Variants in AGAP1 observed in about 807,000 individuals in gnomAD.
The protein encoded by AGAP1 is arf-GAP with GTPase, ANK repeat and PH domain-containing protein 1.
A neutral mutation model predicts 105.3 loss-of-function variants in AGAP1; 29 were observed. That is an observed-to-expected ratio of 0.28 (90% CI 0.21 to 0.38). The LOEUF (loss-of-function observed/expected upper bound fraction) is 0.38. Among genes scored for constraint, AGAP1 ranks in the 10% least tolerant of loss-of-function variants. AGAP1 has a pLI of 1.00. For missense variants in AGAP1, 998 were observed against 1,165.1 expected (o/e 0.86, Z 2.09); for synonymous variants, 509 against 485.9 (o/e 1.05, Z -0.63).
chr2:235,903,775 A>G (rs993554720), intron 10 of AGAP1, among the ~76,000 whole-genome samples: 4 of 151,974 alleles, frequency 2.6e-5, no homozygotes, highest in African/African-American at 7.3e-5. Context: ...CGGTATTTTG[A>G]TGAGGACTTT....
intron 1 of AGAP1, among the ~76,000 whole-genome samples, chr2:235,558,798 C>A (rs969866799): frequency 6.6e-6 from 1 of 152,200 alleles, no homozygotes; most frequent in Non-Finnish European, 1.5e-5. Context: ...AAATTGATTT[C>A]TTGAGGAGCC....
intron 1 of AGAP1, among the ~76,000 whole-genome samples, chr2:235,626,909 C>T (rs748346337): frequency 2.6e-5 from 4 of 151,204 alleles, no homozygotes; most frequent in Middle Eastern, 3.4e-3. Flanking sequence ...GGCCCATGGC[C>T]TGATCTCTGT....
intron 1 of AGAP1, among the ~76,000 whole-genome samples, chr2:235,704,055 G>C (rs1259531983): frequency 6.6e-6 from 1 of 152,192 alleles, no homozygotes; most frequent in Non-Finnish European, 1.5e-5. Flanking sequence ...CATGGCTCCT[G>C]GCTCCCTGAC....
chr2:235,651,428 A>G (rs1947590242), intron 1 of AGAP1, among the ~76,000 whole-genome samples: 1 of 152,208 alleles, frequency 6.6e-6, no homozygotes, highest in African/African-American at 2.4e-5. Flanking sequence ...TTTGCAGTGA[A>G]TGTTGCAGAC....
Position 235,787,563 on chromosome 2 carries a change from T to C in AGAP1, c.674-10196T>C, listed in dbSNP as rs1956726618. ...TGGTTGGTTGACATTTTCTAGATGATGCAGCTGGCAGATTTGTCTGGATTT... is the reference window on the plus strand; with the variant it reads ...TGGTTGGTTGACATTTTCTAGATGACGCAGCTGGCAGATTTGTCTGGATTT... On this transcript the variant is annotated intron_variant, in intron 6 of 17. Coordinates refer to ENST00000304032, the MANE Select transcript of AGAP1 (RefSeq NM_001037131.3). The surrounding 1 kb of genome is among the most constrained non-coding windows in gnomAD (Gnocchi z 4.4). 6.6e-6 allele frequency among the ~76,000 whole-genome samples: 1 copy of C among 152,212 alleles called. No individual in the cohort carries two copies. The highest frequency in any genetic ancestry group is 1.5e-5 in the Non-Finnish European group (1 of 68,030).
At chr2:235,718,411 C>T (rs1177548272) in intron 3 of AGAP1, 3 of 985,262 alleles carry the variant, frequency 3.0e-6, no homozygotes, top group African/African-American at 1.7e-5. Flanking sequence ...TCATTTTCTT[C>T]ATGGCAGCGC....
chr2:235,847,899 A>G (rs902418084), intron 9 of AGAP1, among the ~76,000 whole-genome samples: 2 of 152,224 alleles, frequency 1.3e-5, no homozygotes. Flanking sequence ...GCGGCCTTGG[A>G]AGCCACTTCT....
intron 12 of AGAP1, among the ~76,000 whole-genome samples, chr2:235,941,851 G>C (rs1032903901): frequency 6.6e-6 from 1 of 150,910 alleles, no homozygotes; most frequent in African/African-American, 2.5e-5. Flanking sequence ...TTTGTTGTTG[G>C]GGGGGTAAGA....
chr2:235,725,042 G>T lies in AGAP1; in HGVS notation c.310+7398G>T, dbSNP rs1179837878. On this transcript the variant is annotated intron_variant, in intron 3 of 17. Coordinates refer to ENST00000304032, the MANE Select transcript of AGAP1 (RefSeq NM_001037131.3). The surrounding 1 kb of genome is among the most constrained non-coding windows in gnomAD (Gnocchi z 5.7). The stretch of plus-strand genomic sequence containing the variant: ...CGGGGGTCAGGCTGTGCTGCACTGA[G>T]GCTGAAGGGTTCTGGGATTTTCCAC... Among the ~76,000 whole-genome samples the T allele has an allele frequency of 1.3e-5, 2 of 152,182 alleles. No homozygotes were observed. Among genetic ancestry groups the T allele is most frequent in the Non-Finnish European group, 2.9e-5 (2 of 68,036 alleles).
rs1481134062 is a variant in AGAP1 at position 235,988,066 on chromosome 2, A to G, written c.1645+19443A>G. Among the ~76,000 whole-genome samples, 3 of 152,188 alleles carry G rather than the reference A, an allele frequency of 2.0e-5. No homozygotes were observed. The East Asian group carries it at 5.8e-4, about 29-fold the overall frequency. On this transcript the variant is annotated intron_variant, in intron 13 of 17. Transcript: ENST00000304032. The surrounding 1 kb of genome is among the most constrained non-coding windows in gnomAD (Gnocchi z 4.7). The stretch of plus-strand genomic sequence containing the variant: ...TTGTTCTGTTTTGTTTTTTGAAACA[A>G]GAGTCTCACTCTGTTGCCCAGGCTG...
intron 16 of AGAP1, among the ~76,000 whole-genome samples, chr2:236,069,448 G>T (rs765561482): frequency 2.0e-5 from 3 of 152,076 alleles, no homozygotes; most frequent in Non-Finnish European, 4.4e-5. Context: ...TTTCGATACA[G>T]AGGCTCCCTC....
At chr2:235,912,529 C>G (rs771928903) in intron 11 of AGAP1, among the ~76,000 whole-genome samples, 2 of 152,112 alleles carry the variant, frequency 1.3e-5, no homozygotes. Flanking sequence ...TTTCTTAATG[C>G]GATTGAATTA....
rs533736248 is a variant in AGAP1, at chr2:235,535,289, G to A, written c.163+40440G>A. Among the ~76,000 whole-genome samples the A allele has an allele frequency of 1.1e-4, 17 of 152,220 alleles. No individual in the cohort carries two copies. The highest frequency in any genetic ancestry group is 5.2e-4 in the Admixed American group (8 of 15,288). ...TTCATCTGCACGTCTCTTTCAATGC[G>A]GGCGTGCGAACTTCCAGGTAGAGCC... On this transcript the variant is annotated intron_variant, in intron 1 of 17. Coordinates refer to ENST00000304032, the MANE Select transcript of AGAP1 (RefSeq NM_001037131.3). This position sits in a 1 kb window ranked among gnomAD's most constrained non-coding sequence, Gnocchi z 5.1.
chr2:236,031,390 C>G (rs1012394948), intron 13 of AGAP1, among the ~76,000 whole-genome samples: 1 of 152,158 alleles, frequency 6.6e-6, no homozygotes, highest in Non-Finnish European at 1.5e-5. Context: ...CCCTCCTTGC[C>G]CTGGGGTAGA....
intron 6 of AGAP1, among the ~76,000 whole-genome samples, chr2:235,795,338 G>C (rs958723217): frequency 1.3e-5 from 2 of 152,182 alleles, no homozygotes; most frequent in Non-Finnish European, 2.9e-5. Flanking sequence ...GCAAATAGCA[G>C]CAACAGCCGT....
intron 1 of AGAP1, among the ~76,000 whole-genome samples, chr2:235,648,213 C>T (rs377011704): frequency 1.9e-4 from 29 of 152,286 alleles, no homozygotes; most frequent in African/African-American, 7.0e-4. Context: ...TCCCCAGCTA[C>T]CTGCCCCTCC....
rs1472450423 is a variant in AGAP1, at chr2:235,733,745, A to G, written c.311-7218A>G. The stretch of plus-strand genomic sequence containing the variant: ...GCGGGTCAGAACCCCGGAGTGTTTC[A>G]CCCATGGAAATAGTCAGCAGTCGCC... On this transcript the variant is annotated intron_variant, in intron 3 of 17. Coordinates refer to ENST00000304032, the MANE Select transcript of AGAP1 (RefSeq NM_001037131.3). The surrounding 1 kb of genome is among the most constrained non-coding windows in gnomAD (Gnocchi z 5.0). 6.6e-6 allele frequency among the ~76,000 whole-genome samples: 1 copy of G among 151,976 alleles called. No individual in the cohort carries two copies. The highest frequency in any genetic ancestry group is 6.6e-5 in the Admixed American group (1 of 15,252).
At chr2:236,106,421 T>G (rs1423038384) in intron 16 of AGAP1, among the ~76,000 whole-genome samples, 2 of 152,220 alleles carry the variant, frequency 1.3e-5, no homozygotes, top group Admixed American at 1.3e-4. Flanking sequence ...TCAGGACCCC[T>G]GGGCGGGCAC....
chr2:235,549,144 G>A lies in AGAP1; in HGVS notation c.163+54295G>A, dbSNP rs1943722006. ...AAATCATTCAAGCCTTCTTCTTCCT[G>A]GATTTTATACCTCCTAGTTCTTTGA... On this transcript the variant is annotated intron_variant, in intron 1 of 17. Transcript: ENST00000304032. The surrounding 1 kb of genome is among the most constrained non-coding windows in gnomAD (Gnocchi z 4.2). Among the ~76,000 whole-genome samples, 1 of 152,128 alleles carries A rather than the reference G, an allele frequency of 6.6e-6. No homozygotes were observed. The highest frequency in any genetic ancestry group is 1.5e-5 in the Non-Finnish European group (1 of 68,030).
Sources: allele counts gnomAD v4.1 joint callset (sites outside exome capture counted in the v4.1 genomes callset), GRCh38; gene constraint gnomAD v4.1.1; non-coding constraint Gnocchi (gnomAD v3.1); transcripts MANE v1.5; gene names NCBI Gene and HGNC (gene_info 2026-07-23, HGNC 2026-07-21).